Variants in RABGAP1L observed in about 807,000 individuals in gnomAD.
RABGAP1L encodes rab GTPase-activating protein 1-like.
RABGAP1L carries 63 observed loss-of-function variants against 137.7 expected under a neutral mutation model. That is an observed-to-expected ratio of 0.46 (90% CI 0.37 to 0.56). The LOEUF (loss-of-function observed/expected upper bound fraction) is 0.56. Among genes scored for constraint, RABGAP1L ranks in the 20% least tolerant of loss-of-function variants. The probability of loss-of-function intolerance (pLI) is 0.00; values close to 1 mark genes in which losing one functional copy is unlikely to be tolerated. For missense variants in RABGAP1L, 1,095 were observed against 1,244.0 expected (o/e 0.88, Z 1.80); for synonymous variants, 431 against 433.7 (o/e 0.99, Z 0.08).
chr1:174,530,133 T>TGGCA (rs991310825), intron 13 of RABGAP1L, among the ~76,000 whole-genome samples: 10 of 142,146 alleles, frequency 7.0e-5, no homozygotes, highest in African/African-American at 2.5e-4. Context: ...CTGCCTTCAG[T>TGGCA]GGCAGGCAGC....
chr1:174,786,076 A>G (rs771341312), intron 18 of RABGAP1L, among the ~76,000 whole-genome samples: 3 of 152,236 alleles, frequency 2.0e-5, no homozygotes, highest in Non-Finnish European at 4.4e-5. Context: ...TGTAGTTTTT[A>G]TCTTCTCTAA....
chr1:174,887,612 TG>T (rs36031364), intron 19 of RABGAP1L, among the ~76,000 whole-genome samples: 87,151 of 149,580 alleles, frequency 0.58, 27,249 homozygotes, highest in African/African-American at 0.84. Flanking sequence ...TGCAAAAACT[TG>T]GGGGGGGGGT....
chr1:174,530,916 T>C (rs1428056650), intron 13 of RABGAP1L, among the ~76,000 whole-genome samples: 2 of 152,086 alleles, frequency 1.3e-5, no homozygotes, highest in East Asian at 3.9e-4. Flanking sequence ...AAATTTTAAT[T>C]GAATCTAATA....
At chr1:174,430,803 G>T (rs1231776740) in intron 13 of RABGAP1L, among the ~76,000 whole-genome samples, 1 of 152,128 alleles carries the variant, frequency 6.6e-6, no homozygotes, top group Non-Finnish European at 1.5e-5. Context: ...TTAAACTCAT[G>T]ATTAAGATTT....
chr1:174,847,064 G>A, intron 19 of RABGAP1L, among the ~76,000 whole-genome samples: 1 of 121,996 alleles, frequency 8.2e-6, no homozygotes, highest in South Asian at 3.3e-4. Context: ...GCCTTTTTTT[G>A]TTTTCCATTT....
intron 1 of RABGAP1L, among the ~76,000 whole-genome samples, chr1:174,194,730 A>C (rs1667448987): frequency 6.6e-6 from 1 of 152,210 alleles, no homozygotes; most frequent in Non-Finnish European, 1.5e-5. Flanking sequence ...AAAAGTTATA[A>C]GAAGAAAAAG....
At chr1:174,873,205 A>C (rs928858590) in intron 19 of RABGAP1L, among the ~76,000 whole-genome samples, 1 of 151,776 alleles carries the variant, frequency 6.6e-6, no homozygotes, top group African/African-American at 2.4e-5. Flanking sequence ...GGTAGCTGGG[A>C]CTACAGGCAC....
Position 174,613,660 on chromosome 1 carries a change from T to TA in RABGAP1L, c.1711-23712dup, listed in dbSNP as rs1467302962. On this transcript the variant is annotated intron_variant, in intron 13 of 25. Coordinates refer to ENST00000681986, the MANE Select transcript of RABGAP1L (RefSeq NM_001366446.1). The stretch of plus-strand genomic sequence containing the variant: ...CTGTCTAATGTTGACAGTGGGGTGT[T>TA]AAAGTCTCCCATTATTATTGTGTGG... Among the ~76,000 whole-genome samples the TA allele has an allele frequency of 1.9e-4, 29 of 152,280 alleles. No homozygotes were observed. The East Asian group carries it at 5.6e-3, about 29-fold the overall frequency.
intron 19 of RABGAP1L, among the ~76,000 whole-genome samples, chr1:174,907,986 G>C (rs1002277909): frequency 6.6e-6 from 1 of 152,184 alleles, no homozygotes; most frequent in African/African-American, 2.4e-5. Flanking sequence ...TATATTCTAT[G>C]CAACTGGAAA....
chr1:174,758,592 C>T (rs943521605), intron 18 of RABGAP1L, among the ~76,000 whole-genome samples: 8 of 152,132 alleles, frequency 5.3e-5, no homozygotes, highest in Non-Finnish European at 1.2e-4. Context: ...ATGGCCTCCT[C>T]TTTCAAGTTT....
At chr1:174,349,827 C>T (rs1471577736) in intron 11 of RABGAP1L, among the ~76,000 whole-genome samples, 1 of 136,656 alleles carries the variant, frequency 7.3e-6, no homozygotes, top group Non-Finnish European at 1.6e-5. Flanking sequence ...GCGCCCCTCA[C>T]CTCCCAGACG....
At chr1:174,494,849 G>A (rs1660597001) in intron 13 of RABGAP1L, among the ~76,000 whole-genome samples, 3 of 152,110 alleles carry the variant, frequency 2.0e-5, no homozygotes, top group South Asian at 2.1e-4. Context: ...AAGGGGAGAG[G>A]GTGTTGGAAT....
intron 14 of RABGAP1L, among the ~76,000 whole-genome samples, chr1:174,664,318 CAAG>C (rs1332870422): frequency 6.6e-6 from 1 of 152,074 alleles, no homozygotes; most frequent in Non-Finnish European, 1.5e-5. Flanking sequence ...CAATTATCCC[CAAG>C]AAGAATAGTT....
chr1:174,711,712 C>T (rs1212969685), intron 17 of RABGAP1L, among the ~76,000 whole-genome samples: 6 of 152,238 alleles, frequency 3.9e-5, no homozygotes, highest in African/African-American at 1.4e-4. Flanking sequence ...TCCCGCACGC[C>T]CGAGCCTCCC....
intron 1 of RABGAP1L, among the ~76,000 whole-genome samples, chr1:174,215,709 G>A (rs1004019115): frequency 2.6e-5 from 4 of 152,034 alleles, no homozygotes; most frequent in Non-Finnish European, 5.9e-5. Context: ...GGTAACCCTG[G>A]TACACTGTTG....
chr1:174,672,754 A>G (rs1677281142), intron 14 of RABGAP1L, among the ~76,000 whole-genome samples: 1 of 151,990 alleles, frequency 6.6e-6, no homozygotes, highest in African/African-American at 2.4e-5. Context: ...TTCCATGTAC[A>G]TGTGAATTTT....
At chr1:174,386,915 A>G (rs1423839605) in intron 12 of RABGAP1L, among the ~76,000 whole-genome samples, 9 of 152,222 alleles carry the variant, frequency 5.9e-5, no homozygotes, top group Admixed American at 5.9e-4. Context: ...TCATGATTTT[A>G]AAGAGAGATT....
At chr1:174,612,457 C>G (rs1490789585) in intron 13 of RABGAP1L, among the ~76,000 whole-genome samples, 1 of 152,172 alleles carries the variant, frequency 6.6e-6, no homozygotes, top group Non-Finnish European at 1.5e-5. Flanking sequence ...ATTCGGTTTG[C>G]CAGTATTTTA....
intron 13 of RABGAP1L, among the ~76,000 whole-genome samples, chr1:174,612,938 C>A (rs1201979314): frequency 6.6e-6 from 1 of 151,140 alleles, no homozygotes; most frequent in African/African-American, 2.4e-5. Flanking sequence ...CTATTTGATT[C>A]TTCTCTCTTT....
Sources: allele counts gnomAD v4.1 joint callset (sites outside exome capture counted in the v4.1 genomes callset), GRCh38; gene constraint gnomAD v4.1.1; transcripts MANE v1.5; gene names NCBI Gene and HGNC (gene_info 2026-07-23, HGNC 2026-07-21).